The following OPRD1 variants were observed in gnomAD, a reference collection of about 807,000 sequenced individuals.
OPRD1 encodes opioid receptor delta 1.
OPRD1 carries 19 observed loss-of-function variants against 17.5 expected under a neutral mutation model. The ratio of observed to expected loss-of-function variants is 1.09; its 90% CI spans 0.76 to 1.60. The LOEUF (loss-of-function observed/expected upper bound fraction) is 1.60, where lower values mean the gene tolerates loss of function less well. OPRD1 is among the 40% of genes most tolerant of loss of function. OPRD1 has a pLI of 0.00. For synonymous variants in OPRD1, 256 were observed against 240.9 expected, an observed-to-expected ratio of 1.06 and a Z score of -0.58; for missense variants, 483 against 547.2, an observed-to-expected ratio of 0.88 and a Z score of 1.17.
At chr1:28,855,569 G>C (rs911393071) in intron 1 of OPRD1, among the ~76,000 whole-genome samples, 1 of 152,268 alleles carries the variant, frequency 6.6e-6, no homozygotes, top group South Asian at 2.1e-4. Context: ...GAGGGGGGCC[G>C]TGAGGAGAGG....
At chr1:28,840,967 C>T (rs2088890728) in intron 1 of OPRD1, among the ~76,000 whole-genome samples, 1 of 152,020 alleles carries the variant, frequency 6.6e-6, no homozygotes, top group African/African-American at 2.4e-5. Flanking sequence ...AATGCTTATC[C>T]CAGTGACTGG....
At chr1:28,822,728 G>A (rs1043908968) in intron 1 of OPRD1, among the ~76,000 whole-genome samples, 8 of 151,432 alleles carry the variant, frequency 5.3e-5, no homozygotes, top group Non-Finnish European at 1.5e-5. Context: ...GACCTCAAAT[G>A]ATCCACCTGC....
At chr1:28,848,985 A>G (rs971432749) in intron 1 of OPRD1, among the ~76,000 whole-genome samples, 2 of 152,154 alleles carry the variant, frequency 1.3e-5, no homozygotes, top group Admixed American at 6.6e-5. Flanking sequence ...GCACAACCAG[A>G]TGGCTACCCT....
chr1:28,823,496 A>T (rs562465844), intron 1 of OPRD1, among the ~76,000 whole-genome samples: 3 of 152,040 alleles, frequency 2.0e-5, no homozygotes, highest in Non-Finnish European at 2.9e-5. Flanking sequence ...TCCTGGGTTC[A>T]AGCAATTCCC....
At position 28,864,934 on chromosome 1, in the gene OPRD1, G is replaced by C. The variant is rs1405998351; in HGVS notation, c.*1651G>C. On this transcript the variant is annotated 3_prime_UTR_variant, in exon 3 of 3. Transcript: ENST00000234961. ...ATGGGGACCTGACCTTGAAGGAACT[G>C]GGGGGAGAAGCTTTTGTAACTGCAA... The C allele has an allele frequency of 2.0e-5, 3 of 152,192 alleles. No individual in the cohort carries two copies. Among genetic ancestry groups the C allele is most frequent in the African/African-American group, 2.4e-5 (1 of 41,486 alleles). The allele number at this position is 152,192 out of a possible 1,614,324, so 9.4% of individuals were successfully genotyped here. A position where few individuals can be genotyped will look rare whatever the true frequency, so the allele number is the denominator to read the frequency against.
At chr1:28,822,509 C>G (rs960679239) in intron 1 of OPRD1, among the ~76,000 whole-genome samples, 1 of 151,732 alleles carries the variant, frequency 6.6e-6, no homozygotes, top group African/African-American at 2.4e-5. Flanking sequence ...TAGACGGAGT[C>G]TCATTCTGTT....
chr1:28,841,173 C>T (rs1390633293), intron 1 of OPRD1, among the ~76,000 whole-genome samples: 2 of 152,242 alleles, frequency 1.3e-5, no homozygotes, highest in Middle Eastern at 3.2e-3. Flanking sequence ...CTGGGCCCCA[C>T]ATTCGTGCCT....
rs547060127 is a variant in OPRD1, at chr1:28,818,854, C to T, written c.227+6244C>T. On this transcript the variant is annotated intron_variant, in intron 1 of 2. Coordinates refer to ENST00000234961, the MANE Select transcript of OPRD1 (RefSeq NM_000911.4). ...CATGACTGTGTGAGGAGCCAGAGGC[C>T]GTGCTGAGGTTCTAGTCTGGATGTG... Among the ~76,000 whole-genome samples the T allele has an allele frequency of 2.6e-5, 4 of 152,138 alleles. No individual in the cohort carries two copies. The South Asian group carries it at 6.2e-4, about 24-fold the overall frequency.
intron 2 of OPRD1, among the ~76,000 whole-genome samples, chr1:28,861,001 A>G (rs2089109906): frequency 6.6e-6 from 1 of 152,048 alleles, no homozygotes; most frequent in South Asian, 2.1e-4. Flanking sequence ...TCACTCCACA[A>G]TCCCTCACAC....
rs184774425 is a variant in OPRD1, at chr1:28,867,227, C to T, written c.*3944C>T. ...TGTTTGGGTTTTTTTTTTTCTGAGA[C>T]AGGGTCTCCCTCTGTCGCATAGGCT... On this transcript the variant is annotated 3_prime_UTR_variant, in exon 3 of 3. Coordinates refer to ENST00000234961, the MANE Select transcript of OPRD1 (RefSeq NM_000911.4). 1.3e-5 allele frequency: 2 copies of T among 150,896 alleles called. No homozygotes were observed. The highest frequency in any genetic ancestry group is 3.9e-4 in the East Asian group (2 of 5,156). 9.3% of individuals were successfully genotyped at this position (150,896 alleles called of 1,614,324 possible). A position where few individuals can be genotyped will look rare whatever the true frequency, so the allele number is the denominator to read the frequency against.
chr1:28,854,971 G>A (rs1414913133), intron 1 of OPRD1, among the ~76,000 whole-genome samples: 2 of 152,110 alleles, frequency 1.3e-5, no homozygotes, highest in Non-Finnish European at 2.9e-5. Flanking sequence ...TTTTTGCCGG[G>A]CACTGCTGGT....
chr1:28,823,379 ATTTG>A (rs60872172), intron 1 of OPRD1, among the ~76,000 whole-genome samples: 4,433 of 146,552 alleles, frequency 0.03, 229 homozygotes, highest in African/African-American at 0.1. Flanking sequence ...TTTAAATTTT[ATTTG>A]TTTGTTTATT....
chr1:28,838,013 A>T (rs1304352994), intron 1 of OPRD1, among the ~76,000 whole-genome samples: 1 of 151,502 alleles, frequency 6.6e-6, no homozygotes, highest in Non-Finnish European at 1.5e-5. Flanking sequence ...TCCTCTGTAC[A>T]CTGAGGATGG....
intron 1 of OPRD1, among the ~76,000 whole-genome samples, chr1:28,841,691 ATTT>A (rs2088898119): frequency 6.6e-6 from 1 of 151,568 alleles, no homozygotes; most frequent in Non-Finnish European, 1.5e-5. Flanking sequence ...TTATTTATTT[ATTT>A]TTATTTTATT....
intron 1 of OPRD1, among the ~76,000 whole-genome samples, chr1:28,816,446 G>A (rs1487172516): frequency 6.6e-6 from 1 of 152,146 alleles, no homozygotes; most frequent in Non-Finnish European, 1.5e-5. Flanking sequence ...GGGCCTGAAC[G>A]TAAGAACCAG....
At chr1:28,817,244 G>T (rs1431677360) in intron 1 of OPRD1, among the ~76,000 whole-genome samples, 2 of 152,122 alleles carry the variant, frequency 1.3e-5, no homozygotes, top group African/African-American at 4.8e-5. Flanking sequence ...TGTCTTCATC[G>T]GGAAGATGTG....
At chr1:28,828,597 A>G (rs1163178593) in intron 1 of OPRD1, among the ~76,000 whole-genome samples, 1 of 149,070 alleles carries the variant, frequency 6.7e-6, no homozygotes, top group South Asian at 2.2e-4. Flanking sequence ...GAAGAGGGAG[A>G]GTCGCTTGAG....
At chr1:28,818,343 C>T (rs768631248) in intron 1 of OPRD1, among the ~76,000 whole-genome samples, 27 of 152,294 alleles carry the variant, frequency 1.8e-4, no homozygotes, top group Non-Finnish European at 2.6e-4. Flanking sequence ...CCCCCTGGCT[C>T]CTAACACAGC....
intron 1 of OPRD1, among the ~76,000 whole-genome samples, chr1:28,834,449 C>T (rs1449000584): frequency 1.4e-5 from 2 of 148,086 alleles, no homozygotes; most frequent in Non-Finnish European, 1.5e-5. Context: ...AACTCGATCT[C>T]GGTTCACTGC....
Sources: allele counts gnomAD v4.1 joint callset (sites outside exome capture counted in the v4.1 genomes callset), GRCh38; gene constraint gnomAD v4.1.1; transcripts MANE v1.5; gene names NCBI Gene and HGNC (gene_info 2026-07-23, HGNC 2026-07-21).